AMY2B: variants seen among roughly 807,000 people sequenced by gnomAD.
AMY2B encodes the protein amylase alpha 2B.
AMY2B carries 63 observed loss-of-function variants against 59.3 expected under a neutral mutation model. That is an observed-to-expected ratio of 1.06 (90% CI 0.87 to 1.31). The LOEUF (loss-of-function observed/expected upper bound fraction) is 1.31. AMY2B is among the 50% of genes most tolerant of loss of function. AMY2B has a pLI of 0.00. For synonymous variants in AMY2B, 180 were observed against 198.1 expected, an observed-to-expected ratio of 0.91 and a Z score of 0.77; for missense variants, 635 against 626.7, an observed-to-expected ratio of 1.01 and a Z score of -0.14.
At position 103,557,846 on chromosome 1, in the gene AMY2B, G is replaced by A. The variant is rs576871237; in HGVS notation, c.-207+2737G>A. On this transcript the variant is annotated intron_variant, in intron 1 of 11. Transcript: ENST00000361355. ...TATGTTATTTATGGGAACATTAGAT[G>A]AAGTAAGTCATAAAAACATGCATAG... is the stretch of plus-strand genomic sequence containing the variant. Among the ~76,000 whole-genome samples, 8 of 152,184 alleles carry A rather than the reference G, an allele frequency of 5.3e-5. No individual in the cohort carries two copies. In the East Asian group the frequency reaches 1.5e-3, roughly 29 times the overall value.
chr1:103,560,478 T>A (rs545403285), intron 1 of AMY2B, among the ~76,000 whole-genome samples: 1 of 152,270 alleles, frequency 6.6e-6, no homozygotes, highest in East Asian at 1.9e-4. Context: ...TTTTAAAAAA[T>A]CTGTCTAAAA....
upstream of AMY2B, chr1:103,569,656 C>A: frequency 2.6e-6 from 1 of 387,722 alleles, no homozygotes; most frequent in South Asian, 2.2e-5. Context: ...CTTCCATCAT[C>A]GGTGCCCCCG....
chr1:103,569,320 G>A (rs1570642779), upstream of AMY2B: 1 of 158,592 alleles, frequency 6.3e-6, no homozygotes. Flanking sequence ...AGATATGTGT[G>A]TGTTTGTGTA....
chr1:103,571,897 G>A, intron 1 of AMY2B, 127 bp downstream of exon 1: 12 of 1,584,246 alleles, frequency 7.6e-6, no homozygotes, highest in Non-Finnish European at 1.0e-5. Flanking sequence ...AGAGTTTTCT[G>A]AGGAAAAAAC....
upstream of AMY2B, chr1:103,570,891 A>G (rs1652102340): frequency 2.8e-6 from 1 of 361,754 alleles, no homozygotes; most frequent in Non-Finnish European, 5.4e-6. Flanking sequence ...TCCCCTTGGT[A>G]TCTGTACATA....
At chr1:103,577,165 G>A (rs1466720068) in intron 7 of AMY2B, among the ~76,000 whole-genome samples, 1 of 152,104 alleles carries the variant, frequency 6.6e-6, no homozygotes, top group Non-Finnish European at 1.5e-5. Flanking sequence ...TTGAGCCTGG[G>A]AGATCAAGGC....
At chr1:103,575,708 A>G (rs1189821829) in intron 7 of AMY2B, 168 bp downstream of exon 7, 14 of 1,033,214 alleles carry the variant, frequency 1.4e-5, no homozygotes, top group South Asian at 5.4e-5. Context: ...AGTAAAATAT[A>G]TATTTTCCAT....
upstream of AMY2B, chr1:103,571,013 G>A (rs970712740): frequency 2.6e-6 from 1 of 381,288 alleles, no homozygotes; most frequent in Non-Finnish European, 4.5e-6. Flanking sequence ...TCTCTGATCT[G>A]TGCAGGGTAT....
chr1:103,575,597 TTCTAA>T, intron 7 of AMY2B, 57 bp downstream of exon 7: 1 of 1,601,944 alleles, frequency 6.2e-7, no homozygotes, highest in Non-Finnish European at 8.5e-7. Context: ...GGCAATCTTG[TTCTAA>T]CTTAATATGA....
At chr1:103,555,387 A>T (rs1302425630) in intron 1 of AMY2B, 5 of 151,370 alleles carry the variant, frequency 3.3e-5, no homozygotes, top group African/African-American at 1.2e-4. Flanking sequence ...GCACTTTCAC[A>T]TTTTTTTTAT....
chr1:103,568,328 T>G (rs926930326), upstream of AMY2B: 1 of 152,260 alleles, frequency 6.6e-6, no homozygotes, highest in Non-Finnish European at 1.5e-5. Context: ...GAAGGAAAAA[T>G]TACACAAATT....
intron 1 of AMY2B, among the ~76,000 whole-genome samples, chr1:103,556,334 ATGT>A (rs961768637): frequency 1.1e-4 from 16 of 152,138 alleles, no homozygotes; most frequent in Admixed American, 5.2e-4. Flanking sequence ...CAGTGATGAG[ATGT>A]TGTTACATTT....
chr1:103,574,429 T>C (rs1464453314), intron 5 of AMY2B, 36 bp downstream of exon 5: 1 of 1,609,040 alleles, frequency 6.2e-7, no homozygotes, highest in South Asian at 1.1e-5. Flanking sequence ...AAGTATTTCA[T>C]AGATTTATTA....
At chr1:103,559,536 A>C (rs1233234443) in intron 1 of AMY2B, among the ~76,000 whole-genome samples, 1 of 152,188 alleles carries the variant, frequency 6.6e-6, no homozygotes, top group Non-Finnish European at 1.5e-5. Context: ...GATTACTTAG[A>C]TTTACACTGG....
At chr1:103,556,607 T>A (rs1330169768) in intron 1 of AMY2B, among the ~76,000 whole-genome samples, 2 of 151,480 alleles carry the variant, frequency 1.3e-5, no homozygotes, top group Non-Finnish European at 3.0e-5. Flanking sequence ...ATAATAGTAC[T>A]AAGTATAGTA....
chr1:103,559,235 C>T (rs765876687), intron 1 of AMY2B, among the ~76,000 whole-genome samples: 54 of 152,210 alleles, frequency 3.5e-4, no homozygotes, highest in Non-Finnish European at 5.6e-4. Context: ...ATATTTTTAT[C>T]GGAAGTTTCC....
chr1:103,575,752 G>T, intron 7 of AMY2B: 6 of 630,084 alleles, frequency 9.5e-6, no homozygotes, highest in Non-Finnish European at 1.2e-5. Flanking sequence ...TCAGACATAT[G>T]ATAAACATCC....
intron 1 of AMY2B, among the ~76,000 whole-genome samples, chr1:103,560,193 ACT>A (rs1490376152): frequency 1.3e-5 from 2 of 151,810 alleles, no homozygotes; most frequent in African/African-American, 2.4e-5. Flanking sequence ...GGTTGTTAAA[ACT>A]CTCTCATAAT....
chr1:103,566,373 T>C (rs1482406731), intron 2 of AMY2B, among the ~76,000 whole-genome samples: 3 of 152,098 alleles, frequency 2.0e-5, no homozygotes, highest in East Asian at 3.9e-4. Context: ...ATGTAAATCA[T>C]ATATGTAATT....
Sources: allele counts gnomAD v4.1 joint callset (sites outside exome capture counted in the v4.1 genomes callset), GRCh38; gene constraint gnomAD v4.1.1; transcripts MANE v1.5; gene names NCBI Gene and HGNC (gene_info 2026-07-23, HGNC 2026-07-21).